Variants in AOPEP observed in about 807,000 individuals in gnomAD.
AOPEP encodes aminopeptidase O (putative), also known as aminopeptidase O.
Under a neutral mutation model 98.1 loss-of-function variants are expected in AOPEP, and 77 were observed. The observed-to-expected ratio is 0.78, with a 90% confidence interval of 0.65 to 0.95. The LOEUF is 0.95. Among genes scored for constraint, AOPEP ranks in the 40% least tolerant of loss-of-function variants. The pLI is 0.00. For synonymous variants in AOPEP, 346 were observed against 365.3 expected, an observed-to-expected ratio of 0.95 and a Z score of 0.60; for missense variants, 1,024 against 1,024.7, an observed-to-expected ratio of 1.00 and a Z score of 0.01.
intron 13 of AOPEP, chr9:95,019,638 A>C (rs1401341477): frequency 6.6e-6 from 1 of 152,088 alleles, no homozygotes; most frequent in African/African-American, 2.4e-5. Context: ...ACAAAAGTGT[A>C]CTCTAGTTTT....
chr9:95,008,471 A>C (rs1331158161), intron 13 of AOPEP, among the ~76,000 whole-genome samples: 2 of 152,224 alleles, frequency 1.3e-5, no homozygotes, highest in Non-Finnish European at 2.9e-5. Flanking sequence ...TCTTCCAGGG[A>C]TGTTTGTTTT....
intron 7 of AOPEP, among the ~76,000 whole-genome samples, chr9:94,943,597 T>TA (rs1183754020): frequency 9.4e-4 from 65 of 69,286 alleles, no homozygotes; most frequent in South Asian, 1.6e-3. Context: ...CCATCTCAAA[T>TA]AAAAAAAAAA....
Position 94,898,967 on chromosome 9 carries a change from A to G in AOPEP, c.1365-25019A>G, listed in dbSNP as rs557185054. ...TGTCTCAAATAAATAAATAAATAAAAAGACTTAAGTAGACCAAATGTGGGA... is the reference window on the plus strand; with the variant it reads ...TGTCTCAAATAAATAAATAAATAAAGAGACTTAAGTAGACCAAATGTGGGA... On this transcript the variant is annotated intron_variant, in intron 5 of 16. Coordinates refer to ENST00000375315, the MANE Select transcript of AOPEP (RefSeq NM_001193329.3). Among the ~76,000 whole-genome samples the G allele has an allele frequency of 6.6e-5, 10 of 151,778 alleles. No individual in the cohort carries two copies. In the South Asian group the frequency reaches 1.9e-3, roughly 28 times the overall value.
chr9:94,812,792 C>G (rs372582126), intron 5 of AOPEP, among the ~76,000 whole-genome samples: 7 of 152,242 alleles, frequency 4.6e-5, no homozygotes, highest in African/African-American at 1.7e-4. Flanking sequence ...GAATAATTTA[C>G]AAAGGGACAC....
chr9:94,896,006 G>A (rs1338692281), intron 5 of AOPEP, among the ~76,000 whole-genome samples: 3 of 152,156 alleles, frequency 2.0e-5, no homozygotes, highest in Non-Finnish European at 4.4e-5. Context: ...CTTTTATGGA[G>A]AATGTTTGCC....
intron 16 of AOPEP, 177 bp from the exon 17 acceptor site, chr9:95,086,505 A>G (rs1564625134): frequency 1.0e-6 from 1 of 985,288 alleles, no homozygotes; most frequent in Non-Finnish European, 1.2e-6. Flanking sequence ...TGAGCAGGCC[A>G]GCGTCACACG....
intron 6 of AOPEP, among the ~76,000 whole-genome samples, chr9:94,925,660 C>T (rs2054208375): frequency 6.6e-6 from 1 of 152,182 alleles, no homozygotes; most frequent in Non-Finnish European, 1.5e-5. Context: ...CTTTTCATAC[C>T]CTGGCCGTGG....
intron 3 of AOPEP, among the ~76,000 whole-genome samples, chr9:94,778,830 C>T (rs1842710083): frequency 6.6e-6 from 1 of 152,040 alleles, no homozygotes; most frequent in South Asian, 2.1e-4. Context: ...GAGTTCAAGA[C>T]CAGCCTGGGC....
chr9:94,747,750 T>TGAAA (rs1834849267), intron 1 of AOPEP, among the ~76,000 whole-genome samples: 1 of 152,132 alleles, frequency 6.6e-6, no homozygotes, highest in South Asian at 2.1e-4. Flanking sequence ...CGGGGAGATA[T>TGAAA]GAAAGTGAGC....
chr9:95,086,789 G>C lies in AOPEP; in HGVS notation c.*112G>C. On this transcript the variant is annotated 3_prime_UTR_variant, in exon 17 of 17. Transcript: ENST00000375315. ...GGATTATGTGGCTGCTAAAGCCATCGGCCCACAGCCCTGTTCACATCTTGG... is the reference window on the plus strand; with the variant it reads ...GGATTATGTGGCTGCTAAAGCCATCCGCCCACAGCCCTGTTCACATCTTGG... 4.0e-6 allele frequency: 4 copies of C among 987,954 alleles called. No homozygotes were observed. The highest frequency in any genetic ancestry group is 4.8e-6 in the Non-Finnish European group (4 of 830,130). 61.2% of individuals were successfully genotyped at this position (987,954 alleles called of 1,614,324 possible).
chr9:94,740,127 A>G (rs950791430), intron 1 of AOPEP, among the ~76,000 whole-genome samples: 1 of 152,152 alleles, frequency 6.6e-6, no homozygotes, highest in Non-Finnish European at 1.5e-5. Flanking sequence ...TGGGGGAAGC[A>G]TGGGCAGGAG....
chr9:95,107,326 C>T, the AOPEP span: 8 of 1,552,378 alleles, frequency 5.2e-6, no homozygotes, highest in African/African-American at 6.8e-5. Flanking sequence ...AGACATACTT[C>T]TAGGATTTAT....
chr9:95,114,073 C>T, the AOPEP span: 15 of 186,172 alleles, frequency 8.1e-5, no homozygotes, highest in East Asian at 1.8e-3. Context: ...AAAGACAGAG[C>T]AAGACCTTAT....
In AOPEP at chr9:94,829,800, C is replaced by T. The variant is rs550201436; in HGVS notation, c.1364+28798C>T. ...TCCCTGAATAGGGAGGGAACAAATG[C>T]CTTGACTCTAGCTCTCTTGGCATTT... On this transcript the variant is annotated intron_variant, in intron 5 of 16. Coordinates refer to ENST00000375315, the MANE Select transcript of AOPEP (RefSeq NM_001193329.3). Among the ~76,000 whole-genome samples the T allele has an allele frequency of 7.9e-5, 12 of 152,280 alleles. 1 individual carries two copies. The South Asian group carries it at 2.3e-3, about 29-fold the overall frequency.
intron 13 of AOPEP, among the ~76,000 whole-genome samples, chr9:95,035,380 C>T (rs1165611946): frequency 6.6e-6 from 1 of 151,916 alleles, no homozygotes; most frequent in African/African-American, 2.4e-5. Flanking sequence ...AGTTCAGGGC[C>T]AGTTGGAACA....
At chr9:95,022,479 G>A (rs1446979424) in intron 13 of AOPEP, among the ~76,000 whole-genome samples, 17 of 152,124 alleles carry the variant, frequency 1.1e-4, no homozygotes, top group Non-Finnish European at 1.6e-4. Flanking sequence ...CTGGGACTAC[G>A]GGTGCCCGCC....
At chr9:94,755,042 A>G (rs1402255920) in intron 1 of AOPEP, among the ~76,000 whole-genome samples, 3 of 152,134 alleles carry the variant, frequency 2.0e-5, no homozygotes, top group East Asian at 3.8e-4. Context: ...TGCTGAGACA[A>G]TCATTTAAGC....
intron 3 of AOPEP, among the ~76,000 whole-genome samples, chr9:94,783,232 C>T (rs1027681673): frequency 6.6e-6 from 1 of 152,162 alleles, no homozygotes; most frequent in Non-Finnish European, 1.5e-5. Flanking sequence ...CAGCAGATGG[C>T]GCTCTTTTAC....
chr9:94,813,032 A>G (rs1237922471), intron 5 of AOPEP, among the ~76,000 whole-genome samples: 1 of 151,928 alleles, frequency 6.6e-6, no homozygotes, highest in Non-Finnish European at 1.5e-5. Context: ...AAAAAAGGGG[A>G]CAAGGAGTGG....
Sources: allele counts gnomAD v4.1 joint callset (sites outside exome capture counted in the v4.1 genomes callset), GRCh38; gene constraint gnomAD v4.1.1; transcripts MANE v1.5; gene names NCBI Gene and HGNC (gene_info 2026-07-23, HGNC 2026-07-21).